Variants in SH3BP4 observed in about 807,000 individuals in gnomAD.
SH3BP4 encodes SH3 domain-binding protein 4.
Under a neutral mutation model 65.5 loss-of-function variants are expected in SH3BP4, and 33 were observed. The observed-to-expected ratio is 0.50, with a 90% CI of 0.38 to 0.67. The LOEUF (loss-of-function observed/expected upper bound fraction) is 0.67, where lower values mean the gene tolerates loss of function less well. SH3BP4 is among the 30% of genes least tolerant of loss of function. The probability of loss-of-function intolerance (pLI) is 0.00; values close to 1 mark genes in which losing one functional copy is unlikely to be tolerated. For synonymous variants in SH3BP4, 552 were observed against 545.5 expected (o/e 1.01, Z -0.17); for missense variants, 1,134 against 1,261.4 (o/e 0.90, Z 1.53).
intron 4 of SH3BP4, among the ~76,000 whole-genome samples, chr2:235,047,045 T>A (rs1574850281): frequency 1.3e-5 from 2 of 152,150 alleles, no homozygotes; most frequent in East Asian, 3.8e-4. Flanking sequence ...GTTTGTTCAT[T>A]TGGAAAGGAG....
chr2:235,033,171 A>T lies in SH3BP4; in HGVS notation c.-132-1700A>T, dbSNP rs1695260774. 6.6e-6 allele frequency among the ~76,000 whole-genome samples: 1 copy of T among 152,072 alleles called. No individual in the cohort carries two copies. The highest frequency in any genetic ancestry group is 6.5e-5 in the Admixed American group (1 of 15,284). On this transcript the variant is annotated intron_variant, in intron 2 of 5. Coordinates refer to ENST00000392011, the MANE Select transcript of SH3BP4 (RefSeq NM_014521.3). This position sits in a 1 kb window ranked among gnomAD's most constrained non-coding sequence, Gnocchi z 5.7. ...CTGCCGCCTGCTGCATTCAAGCACC[A>T]CAGCCCCGGTGGCCCAGCAAGGGAG... is the stretch of plus-strand genomic sequence containing the variant.
At chr2:235,000,965 A>G (rs1046471631) in intron 2 of SH3BP4, among the ~76,000 whole-genome samples, 5 of 152,266 alleles carry the variant, frequency 3.3e-5, no homozygotes, top group African/African-American at 1.2e-4. Flanking sequence ...TGCTCTCAGT[A>G]AACACAACTT....
chr2:235,012,131 T>G lies in SH3BP4; in HGVS notation c.-133+16755T>G, dbSNP rs542483588. On this transcript the variant is annotated intron_variant, in intron 2 of 5. Coordinates refer to ENST00000392011, the MANE Select transcript of SH3BP4 (RefSeq NM_014521.3). ...CTGGCATCTTCCCTCCAGCTGCTCA[T>G]GAATGTTACGGGGCGCTGACAGTGG... is the stretch of plus-strand genomic sequence containing the variant. 7.1e-4 allele frequency among the ~76,000 whole-genome samples: 108 copies of G among 152,340 alleles called. 2 individuals carry two copies. The highest frequency in any genetic ancestry group is 2.4e-3 in the African/African-American group (101 of 41,570).
At chr2:234,990,923 T>C (rs1693729354) in intron 1 of SH3BP4, among the ~76,000 whole-genome samples, 2 of 152,170 alleles carry the variant, frequency 1.3e-5, no homozygotes, top group Admixed American at 1.3e-4. Context: ...ACCCCCCATC[T>C]TAGTCATCCT....
intron 3 of SH3BP4, among the ~76,000 whole-genome samples, chr2:235,036,740 A>AAAAAAAAAAAAAAAATAATAAT (rs146049108): frequency 3.5e-5 from 5 of 141,772 alleles, no homozygotes; most frequent in African/African-American, 1.3e-4. Context: ...TCTATATAAA[A>AAAAAAAAAAAAAAAATAATAAT]AATAATAATA....
chr2:235,012,964 G>A (rs572818377), intron 2 of SH3BP4, among the ~76,000 whole-genome samples: 9 of 152,308 alleles, frequency 5.9e-5, no homozygotes, highest in South Asian at 2.1e-4. Flanking sequence ...GCTGGAGGCC[G>A]GACGCCGAAT....
intron 2 of SH3BP4, among the ~76,000 whole-genome samples, chr2:235,014,993 T>A (rs111403060): frequency 1.3e-5 from 2 of 152,344 alleles, no homozygotes; most frequent in African/African-American, 4.8e-5. Flanking sequence ...CACAAGCATT[T>A]CTGTGTTATC....
chr2:235,015,975 C>A (rs950495704), intron 2 of SH3BP4, among the ~76,000 whole-genome samples: 1 of 152,028 alleles, frequency 6.6e-6, no homozygotes, highest in Non-Finnish European at 1.5e-5. Flanking sequence ...TGCTCATCAG[C>A]ATCAGTCACA....
In SH3BP4 at chr2:235,018,921, C is replaced by T. The variant is rs544154713; in HGVS notation, c.-132-15950C>T. 3.0e-4 allele frequency among the ~76,000 whole-genome samples: 46 copies of T among 152,290 alleles called. No individual in the cohort carries two copies. In the South Asian group the frequency reaches 4.6e-3, roughly 15 times the overall value. ...AACCCGCTGAGCAGGGCTGCAGTGG[C>T]GAGTGGTCAGATAGACCTTTCTGGA... On this transcript the variant is annotated intron_variant, in intron 2 of 5. Coordinates refer to ENST00000392011, the MANE Select transcript of SH3BP4 (RefSeq NM_014521.3).
chr2:235,000,556 C>A (rs4663535), intron 2 of SH3BP4, among the ~76,000 whole-genome samples: 1 of 151,938 alleles, frequency 6.6e-6, no homozygotes, highest in Non-Finnish European at 1.5e-5. Flanking sequence ...GGATCTTGGG[C>A]TCGGGCTCTG....
intron 2 of SH3BP4, among the ~76,000 whole-genome samples, chr2:235,013,595 T>TC (rs1404011978): frequency 1.3e-4 from 20 of 152,314 alleles, no homozygotes; most frequent in Admixed American, 5.2e-4. Context: ...TCTGGGGAGA[T>TC]CAACACTGCC....
At chr2:234,961,196 T>C (rs1338985652) in intron 1 of SH3BP4, among the ~76,000 whole-genome samples, 1 of 152,236 alleles carries the variant, frequency 6.6e-6, no homozygotes, top group Admixed American at 6.5e-5. Context: ...TTGGGCAGTT[T>C]AAATGAGATC....
chr2:234,992,103 TA>T (rs1693764760), intron 1 of SH3BP4, among the ~76,000 whole-genome samples: 1 of 152,162 alleles, frequency 6.6e-6, no homozygotes, highest in Non-Finnish European at 1.5e-5. Flanking sequence ...AATGTGAAAA[TA>T]ATCAGTGCTG....
intron 2 of SH3BP4, among the ~76,000 whole-genome samples, chr2:235,016,351 C>A (rs1238458656): frequency 1.3e-5 from 2 of 152,152 alleles, no homozygotes; most frequent in African/African-American, 4.8e-5. Context: ...TGTAAGTCAC[C>A]TGAGCATGTG....
Position 235,041,059 on chromosome 2 carries a change from A to C in SH3BP4, c.290A>C (p.Asn97Thr), listed in dbSNP as rs769066549. ...TSGGEWWYAH[N>T]TTEMGYIPSS... Reference sequence around the variant, plus strand: ...GGCGGTGAGTGGTGGTACGCACACAACACCACCGAAATGGGCTACATCCCC... The same window carrying C: ...GGCGGTGAGTGGTGGTACGCACACACCACCACCGAAATGGGCTACATCCCC... Residue 97 changes from asparagine to threonine, a missense_variant, in exon 4 of 6, where the codon AAC (asparagine) becomes ACC (threonine). Asn to Thr is a moderately conservative substitution (Grantham distance 65). Coordinates refer to ENST00000392011, the MANE Select transcript of SH3BP4 (RefSeq NM_014521.3). This position sits in a 1 kb window ranked among gnomAD's most constrained non-coding sequence, Gnocchi z 6.0. The C allele has an allele frequency of 7.4e-6, 12 of 1,613,902 alleles. No homozygotes were observed. The highest frequency in any genetic ancestry group is 6.7e-5 in the African/African-American group (5 of 74,868).
rs973697636 is a variant in SH3BP4, at chr2:234,967,341, G to A, written c.-207+15171G>A. ...TCGCAGATGACGTGTGAGGGTGGGC[G>A]GGAGGTTGCCAGGTGGGTAATCAGG... On this transcript the variant is annotated intron_variant, in intron 1 of 5. Transcript: ENST00000392011. The surrounding 1 kb of genome is among the most constrained non-coding windows in gnomAD (Gnocchi z 4.6). 1.1e-4 allele frequency among the ~76,000 whole-genome samples: 16 copies of A among 152,152 alleles called. No individual in the cohort carries two copies. Among genetic ancestry groups the A allele is most frequent in the African/African-American group, 3.4e-4 (14 of 41,428 alleles).
chr2:235,040,212 G>A (rs1695588318), intron 3 of SH3BP4, among the ~76,000 whole-genome samples: 1 of 152,086 alleles, frequency 6.6e-6, no homozygotes, highest in African/African-American at 2.4e-5. Context: ...GCCAGCCTGG[G>A]TGGCGGAGTG....
In SH3BP4 at chr2:234,959,525, C is replaced by T. The variant is rs115587426; in HGVS notation, c.-207+7355C>T. ...GTAATTCCTCCCTATGAATAATAAACGGCTTACTTATAAATACTGTCCAGT... is the reference window on the plus strand; with the variant it reads ...GTAATTCCTCCCTATGAATAATAAATGGCTTACTTATAAATACTGTCCAGT... On this transcript the variant is annotated intron_variant, in intron 1 of 5. Transcript: ENST00000392011. Among the ~76,000 whole-genome samples, 1,350 of 152,272 alleles carry T rather than the reference C, an allele frequency of 8.9e-3. 9 individuals are homozygous for T. The highest frequency in any genetic ancestry group is 0.021 in the African/African-American group (860 of 41,558).
intron 1 of SH3BP4, among the ~76,000 whole-genome samples, chr2:234,987,868 G>A (rs886230201): frequency 1.3e-5 from 2 of 152,126 alleles, no homozygotes; most frequent in South Asian, 2.1e-4. Flanking sequence ...TCTTTCTGTT[G>A]GGTGCAGGTC....
Sources: allele counts gnomAD v4.1 joint callset (sites outside exome capture counted in the v4.1 genomes callset), GRCh38; gene constraint gnomAD v4.1.1; non-coding constraint Gnocchi (gnomAD v3.1); transcripts MANE v1.5; gene names NCBI Gene and HGNC (gene_info 2026-07-23, HGNC 2026-07-21).